The following CCDC73 variants were observed in gnomAD, a reference collection of about 807,000 sequenced individuals.
CCDC73 encodes the protein coiled-coil domain containing 73.
Under a neutral mutation model 116.5 loss-of-function variants are expected in CCDC73, and 95 were observed. The observed-to-expected ratio is 0.82, with a 90% CI of 0.69 to 0.97. CCDC73 has a LOEUF of 0.97. CCDC73 is among the 50% of genes least tolerant of loss of function. The probability of loss-of-function intolerance (pLI) is 0.00; values close to 1 mark genes in which losing one functional copy is unlikely to be tolerated. For synonymous variants in CCDC73, 398 were observed against 401.3 expected (o/e 0.99, Z 0.10); for missense variants, 1,066 against 1,206.8 (o/e 0.88, Z 1.73).
intron 14 of CCDC73, among the ~76,000 whole-genome samples, chr11:32,624,349 A>T (rs509368): frequency 0.43 from 65,666 of 151,456 alleles, 14,590 homozygotes; most frequent in African/African-American, 0.49. Context: ...AAAAAATAAA[A>T]AAATAAATAA....
Position 32,760,203 on chromosome 11 carries a change from G to A in CCDC73, c.41C>T (p.Thr14Ile), listed in dbSNP as rs1405560759. The A allele has an allele frequency of 6.3e-7, 1 of 1,588,310 alleles. No individual in the cohort carries two copies. The highest frequency in any genetic ancestry group is 1.4e-5 in the African/African-American group (1 of 73,928). The change falls in exon 2 of 18, where the codon ACT becomes ATT. Residue 14 changes from threonine to isoleucine, a missense_variant. Thr to Ile is a moderately conservative substitution (Grantham distance 89). Transcript: ENST00000335185. ...CAATGTCTCTGAAGAACTTTGAAGA[G>A]TAAAAGTAGATGATGACTCAGTATT... ...NFNTESSSTF[T>I]LQSSSETLFS...
At chr11:32,669,628 G>GCT (rs1375671032) in intron 9 of CCDC73, among the ~76,000 whole-genome samples, 1 of 150,372 alleles carries the variant, frequency 6.7e-6, no homozygotes, top group Admixed American at 6.6e-5. Context: ...CATTTCCCAG[G>GCT]CTCTGGTAAC....
chr11:32,648,859 T>C (rs1855802140), intron 12 of CCDC73, among the ~76,000 whole-genome samples: 1 of 152,226 alleles, frequency 6.6e-6, no homozygotes, highest in South Asian at 2.1e-4. Context: ...CCATGGAGTT[T>C]ATATTCTAAC....
intron 3 of CCDC73, among the ~76,000 whole-genome samples, chr11:32,717,336 A>G (rs1760438111): frequency 6.6e-6 from 1 of 152,212 alleles, no homozygotes; most frequent in Admixed American, 6.5e-5. Flanking sequence ...AGCTGCTACT[A>G]TTTTTTAATA....
chr11:32,614,366 C>G lies in CCDC73; in HGVS notation c.1952G>C (p.Ser651Thr). Residue 651 changes from serine to threonine, a missense_variant, in exon 16 of 18, where the codon AGT becomes ACT. Ser to Thr is a moderately conservative substitution (Grantham distance 58, BLOSUM62 1). Transcript: ENST00000335185. ...TTGTTTATCATCTAACATAACATTA[C>G]TTGAATTCCGTAAACTATATTTCTG... ...PCQKYSLRNS[S>T]NVMLDDKQCK... The G allele has an allele frequency of 6.2e-7, 1 of 1,612,192 alleles. No homozygotes were observed. The highest frequency in any genetic ancestry group is 1.3e-5 in the African/African-American group (1 of 74,938).
Position 32,654,850 on chromosome 11 carries a change from G to A in CCDC73, c.768C>T (p.Leu256=). The change falls in exon 10 of 18, where the codon CTC becomes CTT. Residue 256 remains leucine (L), a synonymous_variant. Coordinates refer to ENST00000335185, the MANE Select transcript of CCDC73 (RefSeq NM_001008391.4). The stretch of plus-strand genomic sequence containing the variant: ...AATACATTTAATAAAATACCATGTT[G>A]AGTCTTTCTTGAAGTTCTTGAAATT... The part of the protein sequence containing the change: ...EQKFQELQER[L]NMELELNEKI... The A allele has an allele frequency of 6.6e-7, 1 of 1,507,440 alleles. No individual in the cohort carries two copies. Among genetic ancestry groups the A allele is most frequent in the Non-Finnish European group, 9.0e-7 (1 of 1,106,830 alleles). 93.4% of individuals were successfully genotyped at this position (1,507,440 alleles called of 1,614,324 possible). A position where few individuals can be genotyped will look rare whatever the true frequency, so the allele number is the denominator to read the frequency against.
At chr11:32,728,446 T>G (rs1850047870) in intron 2 of CCDC73, among the ~76,000 whole-genome samples, 1 of 152,146 alleles carries the variant, frequency 6.6e-6, no homozygotes, top group Non-Finnish European at 1.5e-5. Flanking sequence ...TTCCTCACTT[T>G]CCAGCACTGC....
rs1025969259 is a variant in CCDC73, at chr11:32,683,382, A to G, written c.429+154T>C. 9.3e-6 allele frequency: 6 copies of G among 648,092 alleles called. No homozygotes were observed. The Admixed American group carries it at 1.1e-4, about 12-fold the overall frequency. The allele number at this position is 648,092 out of a possible 1,614,324, so 40.1% of individuals were successfully genotyped here. On this transcript the variant is annotated intron_variant, in intron 7 of 17. Coordinates refer to ENST00000335185, the MANE Select transcript of CCDC73 (RefSeq NM_001008391.4). ...ATAATTCATTTATGCAACATGTGAA[A>G]TTGCAAATATCCCCTTTCATATTAC... is the stretch of plus-strand genomic sequence containing the variant.
intron 12 of CCDC73, among the ~76,000 whole-genome samples, chr11:32,643,807 G>A (rs996878114): frequency 6.6e-5 from 10 of 151,888 alleles, no homozygotes; most frequent in Non-Finnish European, 1.3e-4. Flanking sequence ...GTATACTTAG[G>A]CTACACTAAA....
chr11:32,809,254 C>A, the CCDC73 span, among the ~76,000 whole-genome samples: 3 of 152,112 alleles, frequency 2.0e-5, no homozygotes, highest in Non-Finnish European at 4.4e-5. Flanking sequence ...TCAGCTCTGG[C>A]TAACATAAGC....
At chr11:32,627,107 A>T (rs1221509970) in intron 14 of CCDC73, among the ~76,000 whole-genome samples, 15 of 152,172 alleles carry the variant, frequency 9.9e-5, no homozygotes, top group African/African-American at 3.6e-4. Context: ...TACAAAGAAT[A>T]CAAACAAATT....
At chr11:32,795,752 C>T (rs932943931), upstream of CCDC73, among the ~76,000 whole-genome samples, 2 of 151,008 alleles carry the variant, frequency 1.3e-5, no homozygotes, top group African/African-American at 2.4e-5. Context: ...TGCAATGGCA[C>T]GATCTCAGCT....
intron 2 of CCDC73, among the ~76,000 whole-genome samples, chr11:32,721,668 A>G (rs985340466): frequency 6.7e-6 from 1 of 148,282 alleles, no homozygotes; most frequent in African/African-American, 2.5e-5. Context: ...ATCTCAGTTC[A>G]CTGCAAGCTC....
chr11:32,721,934 A>G (rs750010857), intron 2 of CCDC73, among the ~76,000 whole-genome samples: 1 of 152,108 alleles, frequency 6.6e-6, no homozygotes, highest in African/African-American at 2.4e-5. Context: ...TATTATACAT[A>G]CATACACATA....
intron 13 of CCDC73, among the ~76,000 whole-genome samples, chr11:32,637,011 C>CTTTTTTTTTTTTT (rs750191536): frequency 1.6e-5 from 1 of 62,316 alleles, no homozygotes. Context: ...TTCACTTTTT[C>CTTTTTTTTTTTTT]TTTTTCTTTT....
chr11:32,829,919 C>T, the CCDC73 span: 11 of 985,504 alleles, frequency 1.1e-5, no homozygotes, highest in African/African-American at 1.7e-5. Context: ...TAGCCGCCTC[C>T]TCCCGTCCTC....
intron 3 of CCDC73, among the ~76,000 whole-genome samples, chr11:32,711,969 A>G (rs988905221): frequency 6.6e-6 from 1 of 152,172 alleles, no homozygotes; most frequent in African/African-American, 2.4e-5. Context: ...CAGTATTAGC[A>G]GCTGTCAAAC....
upstream of CCDC73, among the ~76,000 whole-genome samples, chr11:32,797,009 CAAAAA>C (rs1163144111): frequency 5.6e-4 from 42 of 74,606 alleles, 1 homozygote; most frequent in South Asian, 0.012. Flanking sequence ...GAGACTGCCT[CAAAAA>C]AAAAAAAAAA....
Position 32,691,202 on chromosome 11 carries a change from AC to A in CCDC73, c.391-7629del, listed in dbSNP as rs1856255001. On this transcript the variant is annotated intron_variant, in intron 6 of 17. Coordinates refer to ENST00000335185, the MANE Select transcript of CCDC73 (RefSeq NM_001008391.4). ...TGGGGCTACAGGCACCTGCCACCAC[AC>A]CCCATCAAATTTTTGTATTTTTAGT... is the stretch of plus-strand genomic sequence containing the variant. Among the ~76,000 whole-genome samples the A allele has an allele frequency of 2.0e-5, 3 of 150,944 alleles. No homozygotes were observed. The South Asian group carries it at 6.3e-4, about 32-fold the overall frequency.
Sources: allele counts gnomAD v4.1 joint callset (sites outside exome capture counted in the v4.1 genomes callset), GRCh38; gene constraint gnomAD v4.1.1; transcripts MANE v1.5; gene names NCBI Gene and HGNC (gene_info 2026-07-23, HGNC 2026-07-21).